The following WNT6 variants were observed in gnomAD, a reference collection of about 807,000 sequenced individuals.
The protein encoded by WNT6 is protein Wnt-6.
Under a neutral mutation model 33.1 loss-of-function variants are expected in WNT6, and 27 were observed. The observed-to-expected ratio is 0.82, with a 90% confidence interval of 0.60 to 1.12. The LOEUF (loss-of-function observed/expected upper bound fraction) is 1.12, where lower values mean the gene tolerates loss of function less well. WNT6 is among the 50% of genes most tolerant of loss of function. WNT6 has a pLI of 0.00. For synonymous variants in WNT6, 249 were observed against 242.8 expected (o/e 1.03, Z -0.24); for missense variants, 494 against 535.3 (o/e 0.92, Z 0.76).
chr2:218,871,347 C>T lies in WNT6; in HGVS notation c.301+100C>T. The stretch of plus-strand genomic sequence containing the variant: ...GCTGAAGTTGCCTGAGCCCCACTTC[C>T]CCCTCACATGTGTCTGGGCACCCTG... On this transcript the variant is annotated intron_variant, in intron 2 of 3. Coordinates refer to ENST00000233948, the MANE Select transcript of WNT6 (RefSeq NM_006522.4). This position sits in a 1 kb window ranked among gnomAD's most constrained non-coding sequence, Gnocchi z 6.4. 6.7e-7 allele frequency: 1 copy of T among 1,486,088 alleles called. No homozygotes were observed. Among genetic ancestry groups the T allele is most frequent in the Non-Finnish European group, 9.2e-7 (1 of 1,091,416 alleles). The allele number at this position is 1,486,088 out of a possible 1,614,324, so 92.1% of individuals were successfully genotyped here.
At chr2:218,863,059 C>T (rs1944323374) in intron 1 of WNT6, among the ~76,000 whole-genome samples, 1 of 152,204 alleles carries the variant, frequency 6.6e-6, no homozygotes, top group African/African-American at 2.4e-5. Context: ...TCCCCTTCCC[C>T]TGGATCTTTG....
intron 1 of WNT6, among the ~76,000 whole-genome samples, chr2:218,860,654 C>T (rs935525946): frequency 6.6e-6 from 1 of 152,174 alleles, no homozygotes; most frequent in Admixed American, 6.5e-5. Flanking sequence ...CTCGTCCTCC[C>T]CAAGCAAGGA....
chr2:218,862,823 G>A lies in WNT6; in HGVS notation c.80+2706G>A, dbSNP rs1449251106. On this transcript the variant is annotated intron_variant, in intron 1 of 3. Coordinates refer to ENST00000233948, the MANE Select transcript of WNT6 (RefSeq NM_006522.4). ...CGGCTCAAATGATTCTCCTGCCTCA[G>A]CCTCCTGAGTAACTGGGATTAGAGT... Among the ~76,000 whole-genome samples, 8 of 152,016 alleles carry A rather than the reference G, an allele frequency of 5.3e-5. No homozygotes were observed. In the East Asian group the frequency reaches 1.5e-3, roughly 29 times the overall value.
chr2:218,873,937 G>C lies in WNT6; in HGVS notation c.*92G>C. ...CGGCACCGGGCGCCTCTCGCCGCTCGAGCCCAGCCTCTCCCTGCCAAAGCC... is the reference window on the plus strand; with the variant it reads ...CGGCACCGGGCGCCTCTCGCCGCTCCAGCCCAGCCTCTCCCTGCCAAAGCC... On this transcript the variant is annotated 3_prime_UTR_variant, in exon 4 of 4. Transcript: ENST00000233948. This position sits in a 1 kb window ranked among gnomAD's most constrained non-coding sequence, Gnocchi z 6.1. 7.9e-7 allele frequency: 1 copy of C among 1,273,326 alleles called. No individual in the cohort carries two copies. The highest frequency in any genetic ancestry group is 1.0e-6 in the Non-Finnish European group (1 of 972,682). The allele number at this position is 1,273,326 out of a possible 1,614,324, so 78.9% of individuals were successfully genotyped here.
At position 218,871,941 on chromosome 2, in the gene WNT6, G is replaced by A; in HGVS notation, c.636+122G>A. 1 of 331,294 alleles carries A rather than the reference G, an allele frequency of 3.0e-6. No individual in the cohort carries two copies. The highest frequency in any genetic ancestry group is 5.3e-6 in the Non-Finnish European group (1 of 189,410). The allele number at this position is 331,294 out of a possible 1,614,324, so 20.5% of individuals were successfully genotyped here. The stretch of plus-strand genomic sequence containing the variant: ...GTGGAGGGGGGCGTTAATGTGTGGG[G>A]GAGTGCGCACGGGCGGAAAGATGGG... On this transcript the variant is annotated intron_variant, in intron 3 of 3. Coordinates refer to ENST00000233948, the MANE Select transcript of WNT6 (RefSeq NM_006522.4). The surrounding 1 kb of genome is among the most constrained non-coding windows in gnomAD (Gnocchi z 6.4).
chr2:218,873,442 C>G lies in WNT6; in HGVS notation c.695C>G (p.Ala232Gly), dbSNP rs1296116840. The G allele has an allele frequency of 6.5e-7, 1 of 1,538,346 alleles. No homozygotes were observed. Among genetic ancestry groups the G allele is most frequent in the Admixed American group, 2.0e-5 (1 of 50,992 alleles). Residue 232 changes from alanine (A) to glycine (G), a missense_variant, in exon 4 of 4, where the codon GCG (alanine) becomes GGG (glycine). Ala to Gly is a moderately conservative substitution (Grantham distance 60, BLOSUM62 0). Coordinates refer to ENST00000233948, the MANE Select transcript of WNT6 (RefSeq NM_006522.4). This position sits in a 1 kb window ranked among gnomAD's most constrained non-coding sequence, Gnocchi z 6.1. ...TGCCACGGGCTGTCGGGATCATGCG[C>G]GCTGCGCACCTGCTGGCAGAAGCTG... Reference protein sequence around the residue: ...CKCHGLSGSCALRTCWQKLPP... With the variant: ...CKCHGLSGSCGLRTCWQKLPP...
Position 218,871,410 on chromosome 2 carries a change from C to T in WNT6, c.302-75C>T. 1 of 1,540,662 alleles carries T rather than the reference C, an allele frequency of 6.5e-7. No individual in the cohort carries two copies. Among genetic ancestry groups the T allele is most frequent in the Admixed American group, 1.8e-5 (1 of 56,742 alleles). On this transcript the variant is annotated intron_variant, in intron 2 of 3. Coordinates refer to ENST00000233948, the MANE Select transcript of WNT6 (RefSeq NM_006522.4). The surrounding 1 kb of genome is among the most constrained non-coding windows in gnomAD (Gnocchi z 6.4). ...CTCCCAGGCCCCTGGGGCAGCCCTCCCGCCGCAGGTTTCAGGTCCCAGGCC... is the reference window on the plus strand; with the variant it reads ...CTCCCAGGCCCCTGGGGCAGCCCTCTCGCCGCAGGTTTCAGGTCCCAGGCC...
At position 218,873,935 on chromosome 2, in the gene WNT6, T is replaced by C. The variant is rs1944431251; in HGVS notation, c.*90T>C. 1.5e-6 allele frequency: 2 copies of C among 1,293,424 alleles called. No homozygotes were observed. Among genetic ancestry groups the C allele is most frequent in the Non-Finnish European group, 2.0e-6 (2 of 990,806 alleles). 80.1% of individuals were successfully genotyped at this position (1,293,424 alleles called of 1,614,324 possible). On this transcript the variant is annotated 3_prime_UTR_variant, in exon 4 of 4. Coordinates refer to ENST00000233948, the MANE Select transcript of WNT6 (RefSeq NM_006522.4). This position sits in a 1 kb window ranked among gnomAD's most constrained non-coding sequence, Gnocchi z 6.1. ...ACCGGCACCGGGCGCCTCTCGCCGC[T>C]CGAGCCCAGCCTCTCCCTGCCAAAG...
chr2:218,861,100 G>A (rs1215777052), intron 1 of WNT6, among the ~76,000 whole-genome samples: 3 of 152,228 alleles, frequency 2.0e-5, no homozygotes, highest in Non-Finnish European at 2.9e-5. Flanking sequence ...ATTGCCATGT[G>A]ATTGGCTGGA....
In WNT6 at chr2:218,871,936, G is replaced by A. The variant is rs1301386137; in HGVS notation, c.636+117G>A. The stretch of plus-strand genomic sequence containing the variant: ...TGTAGGTGGAGGGGGGCGTTAATGT[G>A]TGGGGGAGTGCGCACGGGCGGAAAG... On this transcript the variant is annotated intron_variant, in intron 3 of 3. Transcript: ENST00000233948. This position sits in a 1 kb window ranked among gnomAD's most constrained non-coding sequence, Gnocchi z 6.4. The A allele has an allele frequency of 2.2e-5, 7 of 319,818 alleles. No homozygotes were observed. In the South Asian group the frequency reaches 2.6e-4, roughly 12 times the overall value. 19.8% of individuals were successfully genotyped at this position (319,818 alleles called of 1,614,324 possible). A position where few individuals can be genotyped will look rare whatever the true frequency, so the allele number is the denominator to read the frequency against.
At position 218,871,257 on chromosome 2, in the gene WNT6, G is replaced by C; in HGVS notation, c.301+10G>C. The C allele has an allele frequency of 6.3e-7, 1 of 1,599,296 alleles. No homozygotes were observed. Among genetic ancestry groups the C allele is most frequent in the Non-Finnish European group, 8.5e-7 (1 of 1,170,104 alleles). ...CGCATCCTGCAACAGGGTCAGTGTG[G>C]GGAGGGGGCGGAAGTGGGGCTGCTT... On this transcript the variant is annotated intron_variant, in intron 2 of 3. Transcript: ENST00000233948. The surrounding 1 kb of genome is among the most constrained non-coding windows in gnomAD (Gnocchi z 6.4).
intron 1 of WNT6, among the ~76,000 whole-genome samples, chr2:218,860,720 T>G: frequency 6.7e-6 from 1 of 150,344 alleles, no homozygotes; most frequent in Non-Finnish European, 1.5e-5. Context: ...GACCTGGGGG[T>G]CATGAATGAA....
chr2:218,863,870 T>C (rs1330924877), intron 1 of WNT6, among the ~76,000 whole-genome samples: 2 of 152,110 alleles, frequency 1.3e-5, no homozygotes, highest in Admixed American at 6.5e-5. Flanking sequence ...TCAATAAAAA[T>C]AAACTCTTCC....
intron 1 of WNT6, among the ~76,000 whole-genome samples, chr2:218,869,706 T>C (rs1324880870): frequency 6.6e-6 from 1 of 152,132 alleles, no homozygotes. Flanking sequence ...TTCCCCCAGG[T>C]ATGAATCCCT....
At chr2:218,861,256 G>T (rs1944308094) in intron 1 of WNT6, among the ~76,000 whole-genome samples, 1 of 152,188 alleles carries the variant, frequency 6.6e-6, no homozygotes, top group South Asian at 2.1e-4. Context: ...TCCGACGCTA[G>T]TGTCACGGAA....
intron 1 of WNT6, among the ~76,000 whole-genome samples, chr2:218,868,176 C>G (rs1256656856): frequency 6.6e-6 from 1 of 152,144 alleles, no homozygotes; most frequent in Non-Finnish European, 1.5e-5. Context: ...CCTGGGGAGC[C>G]AGACCCAGAC....
rs1041777597 is a variant in WNT6, at chr2:218,873,443, G to T, written c.696G>T (p.Ala232=). Residue 232 remains alanine (A), a synonymous_variant, in exon 4 of 4, where the codon GCG becomes GCT. Coordinates refer to ENST00000233948, the MANE Select transcript of WNT6 (RefSeq NM_006522.4). This position sits in a 1 kb window ranked among gnomAD's most constrained non-coding sequence, Gnocchi z 6.1. ...GCCACGGGCTGTCGGGATCATGCGC[G>T]CTGCGCACCTGCTGGCAGAAGCTGC... ...CKCHGLSGSC[A]LRTCWQKLPP... The T allele has an allele frequency of 6.5e-6, 10 of 1,538,348 alleles. No homozygotes were observed. Among genetic ancestry groups the T allele is most frequent in the African/African-American group, 2.7e-5 (2 of 73,126 alleles).
At chr2:218,864,128 G>A (rs1015462996) in intron 1 of WNT6, among the ~76,000 whole-genome samples, 2 of 152,198 alleles carry the variant, frequency 1.3e-5, no homozygotes, top group Admixed American at 1.3e-4. Flanking sequence ...CCCCCAGGAA[G>A]TTCTTTACAA....
chr2:218,873,543 G>A lies in WNT6; in HGVS notation c.796G>A (p.Gly266Ser), dbSNP rs1482563216. ...GASRVMGTND[G>S]KALLPAVRTL... ...CTCACGCGTCATGGGCACCAACGACGGCAAGGCCCTGCTGCCCGCCGTCCG... is the reference window on the plus strand; with the variant it reads ...CTCACGCGTCATGGGCACCAACGACAGCAAGGCCCTGCTGCCCGCCGTCCG... Residue 266 changes from glycine (G) to serine (S), a missense_variant, in exon 4 of 4, where the codon GGC becomes AGC. Gly to Ser is a moderately conservative substitution (Grantham distance 56). Coordinates refer to ENST00000233948, the MANE Select transcript of WNT6 (RefSeq NM_006522.4). The surrounding 1 kb of genome is among the most constrained non-coding windows in gnomAD (Gnocchi z 6.1). 2 of 1,537,776 alleles carry A rather than the reference G, an allele frequency of 1.3e-6. No individual in the cohort carries two copies. The highest frequency in any genetic ancestry group is 1.2e-5 in the South Asian group (1 of 84,048).
Sources: gnomAD v4.1 joint callset for allele counts (sites outside exome capture counted in the v4.1 genomes callset) on GRCh38, gnomAD v4.1.1 for gene constraint, Gnocchi (gnomAD v3.1) non-coding constraint, MANE v1.5 for transcripts, NCBI Gene and HGNC (gene_info 2026-07-23, HGNC 2026-07-21) for gene names.